Variants in PTPRG observed in about 807,000 individuals in gnomAD.
The protein encoded by PTPRG is protein tyrosine phosphatase receptor type G.
PTPRG carries 102 observed loss-of-function variants against 165.3 expected under a neutral mutation model. The ratio of observed to expected loss-of-function variants is 0.62; its 90% CI spans 0.53 to 0.73. The LOEUF (loss-of-function observed/expected upper bound fraction) is 0.73. Among genes scored for constraint, PTPRG ranks in the 30% least tolerant of loss-of-function variants. The pLI, the probability that PTPRG is intolerant of heterozygous loss-of-function variation, is 0.00. For missense variants in PTPRG, 1,866 were observed against 1,861.4 expected (o/e 1.00, Z -0.05); for synonymous variants, 675 against 669.5 (o/e 1.01, Z -0.13).
chr3:62,172,365 A>C (rs886989081), intron 8 of PTPRG, among the ~76,000 whole-genome samples: 1 of 152,218 alleles, frequency 6.6e-6, no homozygotes, highest in Non-Finnish European at 1.5e-5. Context: ...CATTCCCATC[A>C]ACAGTGTATG....
chr3:62,225,013 G>C (rs934924427), intron 13 of PTPRG, among the ~76,000 whole-genome samples: 1 of 152,164 alleles, frequency 6.6e-6, no homozygotes, highest in Non-Finnish European at 1.5e-5. Flanking sequence ...AACAGTTACA[G>C]CTTTAATGGC....
intron 28 of PTPRG, among the ~76,000 whole-genome samples, chr3:62,291,098 A>G (rs1367145778): frequency 6.6e-6 from 1 of 152,156 alleles, no homozygotes; most frequent in Non-Finnish European, 1.5e-5. Flanking sequence ...AAGAGGAAAT[A>G]TAGATGGTCA....
intron 7 of PTPRG, among the ~76,000 whole-genome samples, chr3:62,166,390 G>T (rs1704984619): frequency 6.6e-6 from 1 of 151,344 alleles, no homozygotes; most frequent in Non-Finnish European, 1.5e-5. Flanking sequence ...AGGCTGGAGT[G>T]CAGTGGCACA....
At chr3:61,742,963 A>T in intron 1 of PTPRG, 1 of 1,494,146 alleles carries the variant, frequency 6.7e-7, no homozygotes, top group Non-Finnish European at 9.3e-7. Flanking sequence ...GGTGCCCGAG[A>T]AGCACTTGTC....
chr3:62,178,064 T>C lies in PTPRG; in HGVS notation c.1033+9901T>C, dbSNP rs868057818. Among the ~76,000 whole-genome samples, 15 of 151,870 alleles carry C rather than the reference T, an allele frequency of 9.9e-5. 1 individual carries two copies. The South Asian group carries it at 3.1e-3, about 32-fold the overall frequency. On this transcript the variant is annotated intron_variant, in intron 8 of 29. Transcript: ENST00000474889. ...TTGGGTGGGTGGGTGGGTGGATGGA[T>C]GGATGGATGAAAATGTGAATCCATG...
intron 2 of PTPRG, among the ~76,000 whole-genome samples, chr3:61,765,067 T>G (rs771042299): frequency 8.5e-5 from 13 of 152,232 alleles, no homozygotes; most frequent in Non-Finnish European, 1.6e-4. Context: ...ACAGTTGGTC[T>G]CCATGCTGCT....
At chr3:62,272,827 A>C in intron 21 of PTPRG, 119 bp from the exon 22 acceptor site, 3 of 1,145,208 alleles carry the variant, frequency 2.6e-6, no homozygotes, top group Non-Finnish European at 3.6e-6. Flanking sequence ...ACAGAGTGAA[A>C]CTCCATCTCA....
chr3:62,232,555 T>G (rs1220424093), intron 14 of PTPRG, among the ~76,000 whole-genome samples: 1 of 152,236 alleles, frequency 6.6e-6, no homozygotes, highest in Non-Finnish European at 1.5e-5. Context: ...CTATAACACT[T>G]TAAAAACCCA....
At chr3:61,936,205 T>C (rs2039480030) in intron 2 of PTPRG, among the ~76,000 whole-genome samples, 1 of 152,186 alleles carries the variant, frequency 6.6e-6, no homozygotes. Flanking sequence ...GAGAAATAGA[T>C]TTCTGTTCTT....
intron 15 of PTPRG, among the ~76,000 whole-genome samples, chr3:62,250,382 T>TGCTAATG (rs1701385094): frequency 6.6e-6 from 1 of 152,192 alleles, no homozygotes; most frequent in African/African-American, 2.4e-5. Flanking sequence ...CTGAGTTACA[T>TGCTAATG]GCTAATGGCC....
At chr3:61,858,404 A>C (rs907172634) in intron 2 of PTPRG, among the ~76,000 whole-genome samples, 1 of 152,222 alleles carries the variant, frequency 6.6e-6, no homozygotes, top group Non-Finnish European at 1.5e-5. Context: ...CAGTCCTTCT[A>C]AAGCTAATTT....
At chr3:62,035,677 C>T (rs927915201) in intron 4 of PTPRG, among the ~76,000 whole-genome samples, 7 of 152,302 alleles carry the variant, frequency 4.6e-5, no homozygotes, top group African/African-American at 1.7e-4. Flanking sequence ...CTTTGGCTTT[C>T]AGCATAAAAG....
At chr3:62,266,044 C>T (rs916871287) in intron 17 of PTPRG, among the ~76,000 whole-genome samples, 1 of 152,094 alleles carries the variant, frequency 6.6e-6, no homozygotes, top group African/African-American at 2.4e-5. Context: ...GTGTGATGTG[C>T]CCAAAGGTCA....
At chr3:61,886,922 T>C (rs2038052822) in intron 2 of PTPRG, among the ~76,000 whole-genome samples, 1 of 151,626 alleles carries the variant, frequency 6.6e-6, no homozygotes, top group Non-Finnish European at 1.5e-5. Context: ...CTTTTTTTTT[T>C]TTTAAGTGAA....
chr3:61,602,216 A>G (rs937561990), intron 1 of PTPRG, among the ~76,000 whole-genome samples: 4 of 151,888 alleles, frequency 2.6e-5, no homozygotes, highest in African/African-American at 4.8e-5. Flanking sequence ...GTCTTAGTCA[A>G]TAGGGTTGAG....
At chr3:62,074,180 A>AGAGAGTGT (rs1553713353) in intron 4 of PTPRG, among the ~76,000 whole-genome samples, 3 of 143,598 alleles carry the variant, frequency 2.1e-5, no homozygotes, top group African/African-American at 7.9e-5. Flanking sequence ...AAAAAGTGAG[A>AGAGAGTGT]GTGTGTGTGT....
intron 4 of PTPRG, among the ~76,000 whole-genome samples, chr3:62,035,791 C>G (rs1699919523): frequency 6.6e-6 from 1 of 152,194 alleles, no homozygotes; most frequent in Non-Finnish European, 1.5e-5. Context: ...GCGAGTGCAT[C>G]CAATGCACAA....
intron 4 of PTPRG, among the ~76,000 whole-genome samples, chr3:62,039,023 C>T (rs1374652022): frequency 6.6e-6 from 1 of 152,158 alleles, no homozygotes; most frequent in African/African-American, 2.4e-5. Flanking sequence ...CAACTTCCGC[C>T]TCCCAGGTTC....
At chr3:62,145,923 C>T (rs896248550) in intron 6 of PTPRG, among the ~76,000 whole-genome samples, 1 of 152,158 alleles carries the variant, frequency 6.6e-6, no homozygotes, top group Non-Finnish European at 1.5e-5. Flanking sequence ...GTCCCAGCAT[C>T]GACTAACTTT....
Sources: allele counts gnomAD v4.1 joint callset (sites outside exome capture counted in the v4.1 genomes callset), GRCh38; gene constraint gnomAD v4.1.1; transcripts MANE v1.5; gene names NCBI Gene and HGNC (gene_info 2026-07-23, HGNC 2026-07-21).